The following DYNC2H1 variants were observed in gnomAD, a reference collection of about 807,000 sequenced individuals.
DYNC2H1 encodes cytoplasmic dynein 2 heavy chain 1.
Under a neutral mutation model 570.0 loss-of-function variants are expected in DYNC2H1, and 410 were observed. The ratio of observed to expected loss-of-function variants is 0.72; its 90% CI spans 0.66 to 0.78. The LOEUF is 0.78. Among genes scored for constraint, DYNC2H1 ranks in the 30% least tolerant of loss-of-function variants. The pLI, the probability that DYNC2H1 is intolerant of heterozygous loss-of-function variation, is 0.00. For synonymous variants in DYNC2H1, 1,688 were observed against 1,677.6 expected (o/e 1.01, Z -0.15); for missense variants, 4,865 against 5,046.4 (o/e 0.96, Z 1.09).
intron 18 of DYNC2H1, among the ~76,000 whole-genome samples, chr11:103,146,389 G>A (rs1248524232): frequency 6.6e-6 from 1 of 152,046 alleles, no homozygotes; most frequent in East Asian, 1.9e-4. Context: ...CTTCTCTTTG[G>A]TTAGGACATT....
rs565751619 is a variant in DYNC2H1 at position 103,369,152 on chromosome 11, T to C, written c.12156+10793T>C. ...CAGTGGCATGGCATGGAGAGCGTTT[T>C]GGTGCACTGGGGAGAGGGAGATTGC... is the stretch of plus-strand genomic sequence containing the variant. On this transcript the variant is annotated intron_variant, in intron 83 of 88. Coordinates refer to ENST00000375735, the MANE Select transcript of DYNC2H1 (RefSeq NM_001377.3). The surrounding 1 kb of genome is among the most constrained non-coding windows in gnomAD (Gnocchi z 4.0). 3.3e-5 allele frequency among the ~76,000 whole-genome samples: 5 copies of C among 152,262 alleles called. No individual in the cohort carries two copies. Among genetic ancestry groups the C allele is most frequent in the African/African-American group, 1.2e-4 (5 of 41,560 alleles).
chr11:103,469,519 G>T (rs1240056576), intron 88 of DYNC2H1, among the ~76,000 whole-genome samples: 2 of 152,104 alleles, frequency 1.3e-5, no homozygotes, highest in African/African-American at 4.8e-5. Flanking sequence ...GAATTTTCCA[G>T]TTATTGTCAT....
chr11:103,435,079 A>G (rs1334823445), intron 84 of DYNC2H1, among the ~76,000 whole-genome samples: 1 of 152,116 alleles, frequency 6.6e-6, no homozygotes, highest in East Asian at 1.9e-4. Flanking sequence ...TATCTATCAC[A>G]TTCCTAAGAA....
intron 83 of DYNC2H1, among the ~76,000 whole-genome samples, chr11:103,386,898 CGTTG>C (rs1941903836): frequency 6.6e-6 from 1 of 151,138 alleles, no homozygotes; most frequent in Non-Finnish European, 1.5e-5. Context: ...TCCAGTCTAT[CGTTG>C]TTGGACATTT....
At chr11:103,360,768 G>T (rs1437885075) in intron 83 of DYNC2H1, among the ~76,000 whole-genome samples, 3 of 152,102 alleles carry the variant, frequency 2.0e-5, no homozygotes, top group African/African-American at 7.2e-5. Context: ...TTTACAGTTA[G>T]TTCGTAAGAG....
At chr11:103,132,243 A>G (rs1859317072) in intron 13 of DYNC2H1, among the ~76,000 whole-genome samples, 1 of 152,038 alleles carries the variant, frequency 6.6e-6, no homozygotes, top group East Asian at 1.9e-4. Context: ...AAATGTACTC[A>G]TTGCATCCTC....
Position 103,259,877 on chromosome 11 carries a change from A to G in DYNC2H1, c.10606-11A>G. ...TAAATTTCCTAATGAATTTCCAATT[A>G]TAATCTACAGGATTCTGAAAATACA... is the stretch of plus-strand genomic sequence containing the variant. On this transcript the variant is annotated splice_polypyrimidine_tract_variant and intron_variant, in intron 69 of 88. Transcript: ENST00000375735. The G allele has an allele frequency of 1.3e-6, 2 of 1,493,994 alleles. No homozygotes were observed. Among genetic ancestry groups the G allele is most frequent in the Non-Finnish European group, 1.8e-6 (2 of 1,113,100 alleles). The allele number at this position is 1,493,994 out of a possible 1,614,324, so 92.5% of individuals were successfully genotyped here.
At chr11:103,372,032 CTTTTTTTTT>C (rs1156605664) in intron 83 of DYNC2H1, among the ~76,000 whole-genome samples, 2 of 38,056 alleles carry the variant, frequency 5.3e-5, no homozygotes, top group East Asian at 1.1e-3. Flanking sequence ...TTGTCTTGTT[CTTTTTTTTT>C]TTTTTTTTTT....
rs551487728 is a variant in DYNC2H1 at position 103,120,677 on chromosome 11, TAATG to T, written c.1135-11_1135-8del. On this transcript the variant is annotated splice_polypyrimidine_tract_variant and splice_region_variant and intron_variant, in intron 7 of 88. Transcript: ENST00000375735. ...AAATACTAAAGTCTAACAATGTTGT[TAATG>T]TATGTAGCCCTTGTGGAAAGCTGCG... 1.2e-4 allele frequency: 186 copies of T among 1,610,240 alleles called. No homozygotes were observed. The African/African-American group carries it at 2.2e-3, about 19-fold the overall frequency.
intron 88 of DYNC2H1, among the ~76,000 whole-genome samples, chr11:103,469,558 C>A (rs1019310960): frequency 6.6e-6 from 1 of 152,070 alleles, no homozygotes; most frequent in Non-Finnish European, 1.5e-5. Flanking sequence ...ATCAAATGCA[C>A]CAGAGTATTT....
intron 82 of DYNC2H1, among the ~76,000 whole-genome samples, chr11:103,342,129 G>A (rs11827470): frequency 6.6e-6 from 1 of 151,908 alleles, no homozygotes; most frequent in African/African-American, 2.4e-5. Flanking sequence ...GACTTCCTGG[G>A]TTGAGTGGGG....
intron 54 of DYNC2H1, among the ~76,000 whole-genome samples, chr11:103,214,971 A>T (rs781705004): frequency 5.9e-5 from 9 of 151,890 alleles, no homozygotes; most frequent in Non-Finnish European, 1.0e-4. Context: ...TGATGTATAG[A>T]AACATTGCTG....
intron 9 of DYNC2H1, 132 bp from the exon 10 acceptor site, chr11:103,121,240 C>A (rs1340774534): frequency 1.0e-5 from 11 of 1,097,520 alleles, no homozygotes; most frequent in Non-Finnish European, 1.4e-5. Flanking sequence ...ATACATGGTA[C>A]AGTCCTTGGG....
rs547404313 is a variant in DYNC2H1, at chr11:103,241,482, A to G, written c.9820-2211A>G. ...CTTAAGCATGTTTTCTTTGCTAAAA[A>G]CATTTTGAAATGTTACCTTTCTTCT... On this transcript the variant is annotated intron_variant, in intron 63 of 88. Transcript: ENST00000375735. The surrounding 1 kb of genome is among the most constrained non-coding windows in gnomAD (Gnocchi z 5.1). The G allele has an allele frequency of 2.5e-5, 39 of 1,567,070 alleles. No homozygotes were observed. Among genetic ancestry groups the G allele is most frequent in the Non-Finnish European group, 3.4e-5 (39 of 1,144,370 alleles).
rs1338921664 is a variant in DYNC2H1, at chr11:103,277,359, C to G, written c.10696-2989C>G. On this transcript the variant is annotated intron_variant, in intron 70 of 88. Coordinates refer to ENST00000375735, the MANE Select transcript of DYNC2H1 (RefSeq NM_001377.3). This position sits in a 1 kb window ranked among gnomAD's most constrained non-coding sequence, Gnocchi z 4.3. The stretch of plus-strand genomic sequence containing the variant: ...TTTCTTTCATTTTACTTATATTTTA[C>G]AAATTTTTCTTCATCTGGGTCTAAT... Among the ~76,000 whole-genome samples, 5 of 151,868 alleles carry G rather than the reference C, an allele frequency of 3.3e-5. No homozygotes were observed. Among genetic ancestry groups the G allele is most frequent in the Admixed American group, 3.3e-4 (5 of 15,236 alleles).
chr11:103,263,827 C>G (rs1447014488), intron 70 of DYNC2H1, among the ~76,000 whole-genome samples: 1 of 151,948 alleles, frequency 6.6e-6, no homozygotes, highest in East Asian at 1.9e-4. Context: ...CAAACACATT[C>G]AAAAGCTAGC....
intron 88 of DYNC2H1, among the ~76,000 whole-genome samples, chr11:103,476,290 T>G (rs934588487): frequency 1.3e-5 from 2 of 152,334 alleles, no homozygotes; most frequent in Admixed American, 6.5e-5. Flanking sequence ...ACTCTCTCCA[T>G]GAATCACTGT....
Position 103,125,308 on chromosome 11 carries a change from AT to A in DYNC2H1, c.1857+19del. 1 of 1,562,688 alleles carries A rather than the reference AT, an allele frequency of 6.4e-7. No individual in the cohort carries two copies. The highest frequency in any genetic ancestry group is 8.7e-7 in the Non-Finnish European group (1 of 1,151,012). On this transcript the variant is annotated intron_variant, in intron 12 of 88. Coordinates refer to ENST00000375735, the MANE Select transcript of DYNC2H1 (RefSeq NM_001377.3). ...TATTCTTAAACAAGTATGAAATTAC[AT>A]TTTTTGAATACCTGCCTATTTGGAG...
At chr11:103,154,905 T>C in intron 24 of DYNC2H1, 96 bp downstream of exon 24, 2 of 889,990 alleles carry the variant, frequency 2.2e-6, no homozygotes, top group Admixed American at 3.7e-5. Context: ...TATATGTTTT[T>C]CAATTAAATT....
Sources: gnomAD v4.1 joint callset for allele counts (sites outside exome capture counted in the v4.1 genomes callset) on GRCh38, gnomAD v4.1.1 for gene constraint, Gnocchi (gnomAD v3.1) non-coding constraint, MANE v1.5 for transcripts, NCBI Gene and HGNC (gene_info 2026-07-23, HGNC 2026-07-21) for gene names.